PRKN: variants seen among roughly 807,000 people sequenced by gnomAD.
The protein encoded by PRKN is E3 ubiquitin-protein ligase parkin.
In PRKN, 56 loss-of-function variants were observed where a neutral mutation model predicts 59.5. The observed-to-expected ratio is 0.94, with a 90% confidence interval of 0.76 to 1.18. The LOEUF (loss-of-function observed/expected upper bound fraction) is 1.18. Ranked by LOEUF, PRKN falls within the 50% of genes most tolerant of loss-of-function variation. The pLI is 0.00. For missense variants in PRKN, 657 were observed against 596.4 expected (o/e 1.10, Z -1.06); for synonymous variants, 250 against 222.1 (o/e 1.13, Z -1.12).
intron 2 of PRKN, among the ~76,000 whole-genome samples, chr6:162,268,249 T>A (rs1248365600): frequency 6.6e-6 from 1 of 152,182 alleles, no homozygotes; most frequent in Non-Finnish European, 1.5e-5. Flanking sequence ...TGTGATTGCA[T>A]GAAGAGGTGG....
chr6:162,124,870 G>A (rs555446913), intron 4 of PRKN, among the ~76,000 whole-genome samples: 68 of 152,256 alleles, frequency 4.5e-4, no homozygotes, highest in Non-Finnish European at 7.8e-4. Flanking sequence ...AAGTCAGCCA[G>A]AACAATTAAT....
intron 1 of PRKN, among the ~76,000 whole-genome samples, chr6:162,511,865 T>C (rs1321067004): frequency 6.6e-6 from 1 of 152,206 alleles, no homozygotes; most frequent in Non-Finnish European, 1.5e-5. Flanking sequence ...AAAGAGATTT[T>C]AATTTTTAAT....
chr6:162,250,019 G>T (rs531080038), intron 3 of PRKN, among the ~76,000 whole-genome samples: 2 of 151,918 alleles, frequency 1.3e-5, no homozygotes, highest in Non-Finnish European at 2.9e-5. Flanking sequence ...GGTTGCAGGC[G>T]CCTGTACTCC....
intron 1 of PRKN, among the ~76,000 whole-genome samples, chr6:162,583,578 T>G (rs1350150343): frequency 6.6e-6 from 1 of 152,158 alleles, no homozygotes; most frequent in Non-Finnish European, 1.5e-5. Flanking sequence ...ATCCAACAAT[T>G]ATTCCTGAGA....
chr6:161,375,828 G>A (rs1017587762), intron 10 of PRKN, among the ~76,000 whole-genome samples: 18 of 152,286 alleles, frequency 1.2e-4, no homozygotes, highest in African/African-American at 4.1e-4. Flanking sequence ...CGAACGACGC[G>A]CTGGCTTTAA....
At position 161,610,794 on chromosome 6, in the gene PRKN, C is replaced by T. The variant is rs556216430; in HGVS notation, c.872-41378G>A. 3.3e-4 allele frequency among the ~76,000 whole-genome samples: 50 copies of T among 152,068 alleles called. 1 individual carries two copies. The highest frequency in any genetic ancestry group is 3.4e-3 in the Middle Eastern group (1 of 294). On this transcript the variant is annotated intron_variant, in intron 7 of 11. Coordinates refer to ENST00000366898, the MANE Select transcript of PRKN (RefSeq NM_004562.3). ...ATGCCAGGAGGGGCCTGGGCTTGGC[C>T]GGGGTGTCCATAGCAGAGCCAAGGT...
intron 6 of PRKN, among the ~76,000 whole-genome samples, chr6:161,793,746 T>C (rs539250214): frequency 9.0e-4 from 137 of 152,300 alleles, no homozygotes; most frequent in Non-Finnish European, 1.6e-3. Flanking sequence ...CCAGTCTATA[T>C]AGTGAGAAGA....
At position 161,397,274 on chromosome 6, in the gene PRKN, G is replaced by A. The variant is rs1786806351; in HGVS notation, c.1084-10397C>T. On this transcript the variant is annotated intron_variant, in intron 9 of 11. Coordinates refer to ENST00000366898, the MANE Select transcript of PRKN (RefSeq NM_004562.3). This position sits in a 1 kb window ranked among gnomAD's most constrained non-coding sequence, Gnocchi z 4.2. ...TGGAGTCAAGTAGCTTACAGCTAAG[G>A]TGGATGTTTATAAAGCATAAAAGAG... 6.6e-6 allele frequency among the ~76,000 whole-genome samples: 1 copy of A among 152,176 alleles called. No individual in the cohort carries two copies. The highest frequency in any genetic ancestry group is 2.4e-5 in the African/African-American group (1 of 41,414).
At chr6:161,721,219 A>C (rs1787208308) in intron 7 of PRKN, among the ~76,000 whole-genome samples, 1 of 152,272 alleles carries the variant, frequency 6.6e-6, no homozygotes, top group Non-Finnish European at 1.5e-5. Context: ...AATGTATAAA[A>C]GTATAAAATA....
Position 161,477,002 on chromosome 6 carries a change from G to T in PRKN, c.1083+71852C>A, listed in dbSNP as rs189828640. 3.3e-3 allele frequency among the ~76,000 whole-genome samples: 509 copies of T among 152,314 alleles called. 1 individual carries two copies. The highest frequency in any genetic ancestry group is 3.4e-3 in the Non-Finnish European group (231 of 68,026). On this transcript the variant is annotated intron_variant, in intron 9 of 11. Transcript: ENST00000366898. ...GGCAGTAAGGCAGGCACGGAAGTGC[G>T]CATGATGTCAGCTAATTAACTTGGA...
Position 162,444,324 on chromosome 6 carries a change from T to C in PRKN, c.8-851A>G, listed in dbSNP as rs567282048. ...AAAGGCCCTACATAGTTCTGCAAAA[T>C]GAGCCTTATTAATACAGAGCTATGT... On this transcript the variant is annotated intron_variant, in intron 1 of 11. Transcript: ENST00000366898. 1.5e-3 allele frequency among the ~76,000 whole-genome samples: 224 copies of C among 152,254 alleles called. 1 individual carries two copies. Among genetic ancestry groups the C allele is most frequent in the South Asian group, 2.5e-3 (12 of 4,822 alleles).
chr6:161,571,677 T>A (rs56209200), intron 7 of PRKN, among the ~76,000 whole-genome samples: 4,785 of 152,258 alleles, frequency 0.031, 255 homozygotes, highest in African/African-American at 0.11. Context: ...TGATGATGAA[T>A]TTATGTGTCT....
chr6:162,503,136 C>CTTTTTTTTTTTTTTTT (rs10629175), intron 1 of PRKN, among the ~76,000 whole-genome samples: 8 of 81,120 alleles, frequency 9.9e-5, no homozygotes, highest in African/African-American at 4.0e-4. Flanking sequence ...GTCTTCATTT[C>CTTTTTTTTTTTTTTTT]TTTTTTTTTT....
chr6:161,396,018 A>G lies in PRKN; in HGVS notation c.1084-9141T>C, dbSNP rs972188926. ...CACTTGTGGCTGTGTCGTGAGCCTC[A>G]GCTTTGCAGACTTGGCTCTCAGTGA... On this transcript the variant is annotated intron_variant, in intron 9 of 11. Transcript: ENST00000366898. This position sits in a 1 kb window ranked among gnomAD's most constrained non-coding sequence, Gnocchi z 5.4. Among the ~76,000 whole-genome samples the G allele has an allele frequency of 6.6e-6, 1 of 152,212 alleles. No homozygotes were observed. Among genetic ancestry groups the G allele is most frequent in the African/African-American group, 2.4e-5 (1 of 41,450 alleles).
chr6:162,178,076 T>C (rs1783623344), intron 4 of PRKN, among the ~76,000 whole-genome samples: 1 of 152,226 alleles, frequency 6.6e-6, no homozygotes. Flanking sequence ...TCTCTAACAC[T>C]GACAGGCTCT....
chr6:162,099,585 A>G (rs1779881115), intron 4 of PRKN, among the ~76,000 whole-genome samples: 2 of 152,210 alleles, frequency 1.3e-5, no homozygotes, highest in Admixed American at 1.3e-4. Context: ...GAAGTATAAT[A>G]CATGTATGTC....
intron 4 of PRKN, among the ~76,000 whole-genome samples, chr6:162,152,238 G>A (rs1184973442): frequency 6.6e-6 from 1 of 151,032 alleles, no homozygotes; most frequent in Non-Finnish European, 1.5e-5. Context: ...GTCTTATTGT[G>A]ATTGGCTCAC....
intron 6 of PRKN, among the ~76,000 whole-genome samples, chr6:161,871,052 G>GGA (rs369516797): frequency 1.4e-5 from 2 of 143,030 alleles, no homozygotes; most frequent in Non-Finnish European, 3.0e-5. Context: ...AGGAGGATGA[G>GGA]GAGAGAGAGA....
chr6:161,348,775 A>C lies in PRKN; in HGVS notation c.*1324T>G, dbSNP rs567338994. The C allele has an allele frequency of 2.9e-5, 6 of 209,772 alleles. No individual in the cohort carries two copies. In the Admixed American group the frequency reaches 3.5e-4, roughly 12 times the overall value. 13.0% of individuals were successfully genotyped at this position (209,772 alleles called of 1,614,324 possible). The stretch of plus-strand genomic sequence containing the variant: ...CACGATCTTCCTGAGAAGTCAGACA[A>C]TACAGGTAGAACAAAAGATAGTGGT... On this transcript the variant is annotated 3_prime_UTR_variant, in exon 12 of 12. Coordinates refer to ENST00000366898, the MANE Select transcript of PRKN (RefSeq NM_004562.3). The surrounding 1 kb of genome is among the most constrained non-coding windows in gnomAD (Gnocchi z 4.9).
Sources: gnomAD v4.1 joint callset for allele counts (sites outside exome capture counted in the v4.1 genomes callset) on GRCh38, gnomAD v4.1.1 for gene constraint, Gnocchi (gnomAD v3.1) non-coding constraint, MANE v1.5 for transcripts, NCBI Gene and HGNC (gene_info 2026-07-23, HGNC 2026-07-21) for gene names.